SBK1: variants seen among roughly 807,000 people sequenced by gnomAD.
The protein encoded by SBK1 is serine/threonine-protein kinase SBK1.
Under a neutral mutation model 24.4 loss-of-function variants are expected in SBK1, and 11 were observed. The ratio of observed to expected loss-of-function variants is 0.45; its 90% CI spans 0.28 to 0.75. The LOEUF is 0.75. SBK1 is among the 30% of genes least tolerant of loss of function. The pLI is 0.12. For missense variants in SBK1, 467 were observed against 620.5 expected, an observed-to-expected ratio of 0.75 and a Z score of 2.63; for synonymous variants, 308 against 284.4, an observed-to-expected ratio of 1.08 and a Z score of -0.83.
intron 1 of SBK1, among the ~76,000 whole-genome samples, chr16:28,303,163 G>T (rs527549744): frequency 6.6e-6 from 1 of 151,172 alleles, no homozygotes; most frequent in African/African-American, 2.4e-5. Flanking sequence ...ATATGGGGGG[G>T]AGATGGGCCA....
At position 28,323,267 on chromosome 16, in the gene SBK1, G is replaced by A. The variant is rs1003522004; in HGVS notation, c.*2346G>A. 5 of 148,564 alleles carry A rather than the reference G, an allele frequency of 3.4e-5. No homozygotes were observed. Among genetic ancestry groups the A allele is most frequent in the South Asian group, 2.1e-4 (1 of 4,686 alleles). The allele number at this position is 148,564 out of a possible 1,614,324, so 9.2% of individuals were successfully genotyped here. On this transcript the variant is annotated 3_prime_UTR_variant, in exon 4 of 4. Transcript: ENST00000341901. ...GTTTACCTCAGTTTATGTCACTGTC[G>A]AAGAAACAAAAAATAATAGCAAAAA...
rs1418231544 is a variant in SBK1 at position 28,293,259 on chromosome 16, G to A, written c.-49G>A. ...CCGGGCAGACGAAGACCGCGACGGCGCCCAGGCCCCCTGCCGCGGCGTCCC... is the reference window on the plus strand; with the variant it reads ...CCGGGCAGACGAAGACCGCGACGGCACCCAGGCCCCCTGCCGCGGCGTCCC... On this transcript the variant is annotated 5_prime_UTR_variant, in exon 1 of 4. Coordinates refer to ENST00000341901, the MANE Select transcript of SBK1 (RefSeq NM_001024401.3). 2.0e-6 allele frequency: 2 copies of A among 985,484 alleles called. No homozygotes were observed. Among genetic ancestry groups the A allele is most frequent in the South Asian group, 4.7e-5 (1 of 21,286 alleles). The allele number at this position is 985,484 out of a possible 1,614,324, so 61.0% of individuals were successfully genotyped here.
At chr16:28,273,299 C>A (rs775196553) in intron 1 of SBK1, among the ~76,000 whole-genome samples, 11 of 151,944 alleles carry the variant, frequency 7.2e-5, no homozygotes, top group Non-Finnish European at 1.5e-4. Flanking sequence ...CGGCTCACTG[C>A]AACTTCCGCC....
At chr16:28,268,754 C>T (rs1055937993) in intron 1 of SBK1, among the ~76,000 whole-genome samples, 4 of 151,808 alleles carry the variant, frequency 2.6e-5, no homozygotes, top group Admixed American at 2.6e-4. Context: ...CAGAGCGAGA[C>T]TCTGTCTCGA....
In SBK1 at chr16:28,275,257, C is replaced by A. The variant is rs145695506; in HGVS notation, c.257+15755C>A. ...AGGCGGGAGGATTGCTACAGTGAGC[C>A]GTGATCACACCAATGCACACCAGCC... On this transcript the variant is annotated intron_variant, in intron 1 of 3. Coordinates refer to the SBK1 transcript ENST00000671413. Among the ~76,000 whole-genome samples the A allele has an allele frequency of 1.6e-4, 24 of 151,946 alleles. No homozygotes were observed. In the East Asian group the frequency reaches 4.7e-3, roughly 30 times the overall value.
chr16:28,285,657 G>A (rs1303585666), intron 1 of SBK1: 1 of 152,254 alleles, frequency 6.6e-6, no homozygotes, highest in South Asian at 2.1e-4. Flanking sequence ...CCACTCTCAT[G>A]ATTTTAGGGC....
Position 28,320,393 on chromosome 16 carries a change from C to G in SBK1, c.747C>G (p.Gly249=). Reference sequence around the variant, plus strand: ...TGCTCATCTTCTGCGTGCTCACCGGCAACTTCCCGTGGGAGGCGGCGTCGG... The same window carrying G: ...TGCTCATCTTCTGCGTGCTCACCGGGAACTTCCCGTGGGAGGCGGCGTCGG... ...FGVLIFCVLT[G]NFPWEAASGA... is the part of the protein sequence containing the mutation. The change falls in exon 4 of 4, where the codon GGC becomes GGG. Residue 249 remains glycine, a synonymous_variant. Transcript: ENST00000341901. The surrounding 1 kb of genome is among the most constrained non-coding windows in gnomAD (Gnocchi z 8.5). The G allele has an allele frequency of 6.3e-7, 1 of 1,592,094 alleles. No homozygotes were observed.
At position 28,271,021 on chromosome 16, in the gene SBK1, G is replaced by A. The variant is rs935506969; in HGVS notation, c.257+11519G>A. Among the ~76,000 whole-genome samples the A allele has an allele frequency of 6.6e-5, 10 of 151,708 alleles. No homozygotes were observed. The East Asian group carries it at 7.9e-4, about 12-fold the overall frequency. On this transcript the variant is annotated intron_variant, in intron 1 of 3. Transcript: ENST00000671413. The stretch of plus-strand genomic sequence containing the variant: ...TGGGACTACAGGCGCCCGCCACCAC[G>A]CCTGGCTAATTTTTTGTACTTTTAG...
chr16:28,297,649 G>C (rs1340365241), intron 1 of SBK1, among the ~76,000 whole-genome samples: 1 of 152,208 alleles, frequency 6.6e-6, no homozygotes, highest in Non-Finnish European at 1.5e-5. Flanking sequence ...CTATCTTGTA[G>C]GATCATCAGG....
intron 1 of SBK1, among the ~76,000 whole-genome samples, chr16:28,267,279 C>T (rs1044569389): frequency 2.6e-5 from 4 of 152,018 alleles, no homozygotes; most frequent in African/African-American, 4.8e-5. Context: ...AGGCTGTTCT[C>T]GAACTTCCGA....
chr16:28,260,527 G>C (rs574658637), intron 1 of SBK1, among the ~76,000 whole-genome samples: 52 of 152,378 alleles, frequency 3.4e-4, no homozygotes, highest in African/African-American at 1.3e-3. Flanking sequence ...GATCCTTCCA[G>C]GACAAGTGGG....
intron 1 of SBK1, among the ~76,000 whole-genome samples, chr16:28,261,177 T>C (rs1430482149): frequency 6.6e-6 from 1 of 152,124 alleles, no homozygotes; most frequent in Non-Finnish European, 1.5e-5. Context: ...CAGAAGGGCT[T>C]CTTGCCCTAA....
intron 1 of SBK1, among the ~76,000 whole-genome samples, chr16:28,275,350 C>T (rs548430508): frequency 3.2e-4 from 48 of 151,988 alleles, no homozygotes; most frequent in African/African-American, 1.1e-3. Flanking sequence ...TGCCCCTGTG[C>T]GTTGATTCTA....
intron 1 of SBK1, among the ~76,000 whole-genome samples, chr16:28,298,732 C>T (rs779871195): frequency 6.6e-6 from 1 of 152,238 alleles, no homozygotes; most frequent in Non-Finnish European, 1.5e-5. Flanking sequence ...GCACTCCTTC[C>T]TCATGGCTTT....
intron 1 of SBK1, among the ~76,000 whole-genome samples, chr16:28,301,028 C>T (rs1319502394): frequency 6.6e-6 from 1 of 150,674 alleles, no homozygotes; most frequent in Non-Finnish European, 1.5e-5. Context: ...CCAGCCATCT[C>T]ACCAGAGACC....
At position 28,317,426 on chromosome 16, in the gene SBK1, G is replaced by A. The variant is rs35448675; in HGVS notation, c.35G>A (p.Arg12His). ...SVGCPEPEPP[R>H]SLTCCGPGTA... ...GGCTGCCCAGAGCCTGAGCCGCCCC[G>A]CTCCCTGACCTGCTGTGGGCCGGGG... Residue 12 changes from arginine to histidine, a missense_variant, in exon 2 of 4, where the codon CGC becomes CAC. By Grantham distance (29) the Arg-to-His change is conservative. Coordinates refer to ENST00000341901, the MANE Select transcript of SBK1 (RefSeq NM_001024401.3). This position sits in a 1 kb window ranked among gnomAD's most constrained non-coding sequence, Gnocchi z 4.2. 6,891 of 1,614,058 alleles carry A rather than the reference G, an allele frequency of 4.3e-3. 23 individuals carry two copies. The highest frequency in any genetic ancestry group is 5.0e-3 in the Non-Finnish European group (5,856 of 1,179,972).
At chr16:28,311,231 C>G (rs1354949554) in intron 1 of SBK1, among the ~76,000 whole-genome samples, 1 of 152,176 alleles carries the variant, frequency 6.6e-6, no homozygotes, top group African/African-American at 2.4e-5. Context: ...AGGGACACAG[C>G]TGAGGTATTC....
chr16:28,270,956 C>T (rs750034088), intron 1 of SBK1, among the ~76,000 whole-genome samples: 3 of 151,994 alleles, frequency 2.0e-5, no homozygotes, highest in African/African-American at 4.8e-5. Context: ...CTCCGCCTCC[C>T]GGGTACATGC....
At position 28,268,879 on chromosome 16, in the gene SBK1, GTGTCCCCAC is replaced by G. The variant is rs1197319543; in HGVS notation, c.257+9392_257+9400del. ...AACATTGTCCAGGAGAGGAGCTCCA[GTGTCCCCAC>G]TGTCCCCACTGTCCTCAGTCATTGG... On this transcript the variant is annotated intron_variant, in intron 1 of 3. Coordinates refer to the SBK1 transcript ENST00000671413. 5.3e-5 allele frequency among the ~76,000 whole-genome samples: 8 copies of G among 152,320 alleles called. No homozygotes were observed. In the East Asian group the frequency reaches 1.3e-3, roughly 26 times the overall value.
Sources: gnomAD v4.1 joint callset for allele counts (sites outside exome capture counted in the v4.1 genomes callset) on GRCh38, gnomAD v4.1.1 for gene constraint, Gnocchi (gnomAD v3.1) non-coding constraint, MANE v1.5 for transcripts, NCBI Gene and HGNC (gene_info 2026-07-23, HGNC 2026-07-21) for gene names.